Variants in ZRANB3 observed in about 807,000 individuals in gnomAD.
The protein encoded by ZRANB3 is zinc finger RANBP2-type containing 3, also known as DNA annealing helicase and endonuclease ZRANB3.
Under a neutral mutation model 133.8 loss-of-function variants are expected in ZRANB3, and 125 were observed. That is an observed-to-expected ratio of 0.93 (90% CI 0.81 to 1.08). The LOEUF (loss-of-function observed/expected upper bound fraction) is 1.08, where lower values mean the gene tolerates loss of function less well. Among genes scored for constraint, ZRANB3 ranks in the 50% least tolerant of loss-of-function variants. ZRANB3 has a pLI of 0.00. For synonymous variants in ZRANB3, 387 were observed against 432.7 expected, an observed-to-expected ratio of 0.89 and a Z score of 1.31; for missense variants, 1,229 against 1,275.5, an observed-to-expected ratio of 0.96 and a Z score of 0.56.
In ZRANB3 at chr2:135,208,887, G is replaced by T; in HGVS notation, c.2587C>A (p.Pro863Thr). ...CCTTACTTTGTGAAAGGATCCCGTG[G>T]CCTGGACTCCTTTGTGATCAGACGG... The part of the protein sequence containing the change: ...HVRLITKESR[P>T]RDPFTKKLLE... Residue 863 changes from proline (P) to threonine (T), a missense_variant, in exon 18 of 21, where the codon CCA becomes ACA. Coordinates refer to ENST00000264159, the MANE Select transcript of ZRANB3 (RefSeq NM_032143.4). The T allele has an allele frequency of 6.2e-7, 1 of 1,613,868 alleles. No homozygotes were observed. Among genetic ancestry groups the T allele is most frequent in the African/African-American group, 1.3e-5 (1 of 75,018 alleles).
intron 3 of ZRANB3, among the ~76,000 whole-genome samples, chr2:135,386,886 A>C (rs1383674264): frequency 6.6e-6 from 1 of 152,024 alleles, no homozygotes; most frequent in Non-Finnish European, 1.5e-5. Context: ...GAAATACCTA[A>C]TGTAAATGAT....
intron 12 of ZRANB3, among the ~76,000 whole-genome samples, chr2:135,238,575 G>A (rs1050488180): frequency 6.6e-6 from 1 of 152,048 alleles, no homozygotes; most frequent in Non-Finnish European, 1.5e-5. Context: ...GGTTGCCCAG[G>A]TGGGTCTTGA....
At chr2:135,211,599 T>A (rs949924254) in intron 17 of ZRANB3, among the ~76,000 whole-genome samples, 1 of 152,184 alleles carries the variant, frequency 6.6e-6, no homozygotes, top group Non-Finnish European at 1.5e-5. Flanking sequence ...TCATTATACC[T>A]TTTATTTTTA....
chr2:135,479,160 C>G (rs1691644838), intron 2 of ZRANB3, among the ~76,000 whole-genome samples: 1 of 151,562 alleles, frequency 6.6e-6, no homozygotes, highest in African/African-American at 2.4e-5. Flanking sequence ...AGTGGCATTC[C>G]AATTTTGTTC....
At chr2:135,430,179 AAAAAAC>A (rs1453033947) in intron 2 of ZRANB3, among the ~76,000 whole-genome samples, 2 of 152,134 alleles carry the variant, frequency 1.3e-5, no homozygotes, top group East Asian at 1.9e-4. Flanking sequence ...CTGTCTCAAA[AAAAAAC>A]AAAAACAAAA....
intron 6 of ZRANB3, among the ~76,000 whole-genome samples, chr2:135,335,300 G>A (rs1684319686): frequency 6.6e-6 from 1 of 151,536 alleles, no homozygotes; most frequent in Non-Finnish European, 1.5e-5. Context: ...ACTATTCTGG[G>A]TGACACAGAA....
chr2:135,396,999 C>T (rs187470711), intron 2 of ZRANB3, among the ~76,000 whole-genome samples: 6 of 152,128 alleles, frequency 3.9e-5, no homozygotes, highest in Admixed American at 3.3e-4. Context: ...GTGTTATCCA[C>T]GCCTGTAGTC....
At chr2:135,256,077 C>G (rs939744576) in intron 12 of ZRANB3, among the ~76,000 whole-genome samples, 1 of 151,762 alleles carries the variant, frequency 6.6e-6, no homozygotes, top group African/African-American at 2.4e-5. Context: ...ACCATGCCCA[C>G]CTGATTTTTG....
chr2:135,380,564 C>G (rs1686643396), intron 3 of ZRANB3, among the ~76,000 whole-genome samples: 1 of 152,120 alleles, frequency 6.6e-6, no homozygotes, highest in South Asian at 2.1e-4. Context: ...TGAATGACTA[C>G]TGGTTAAATA....
At chr2:135,485,506 C>T (rs1692074519) in intron 2 of ZRANB3, among the ~76,000 whole-genome samples, 1 of 152,178 alleles carries the variant, frequency 6.6e-6, no homozygotes, top group African/African-American at 2.4e-5. Flanking sequence ...TAGATTATTA[C>T]AATAATTATT....
chr2:135,506,206 C>T (rs186373746), intron 1 of ZRANB3, among the ~76,000 whole-genome samples: 77 of 152,106 alleles, frequency 5.1e-4, no homozygotes, highest in Admixed American at 2.0e-3. Flanking sequence ...GCCTGGTCAA[C>T]GTGGCGAAAC....
chr2:135,293,097 T>C (rs1681848346), intron 8 of ZRANB3, among the ~76,000 whole-genome samples: 1 of 152,156 alleles, frequency 6.6e-6, no homozygotes, highest in Non-Finnish European at 1.5e-5. Flanking sequence ...TGGTTCCATA[T>C]GAACTTTAAA....
chr2:135,227,334 TAC>T (rs1252593008), intron 14 of ZRANB3, among the ~76,000 whole-genome samples: 1 of 152,370 alleles, frequency 6.6e-6, no homozygotes, highest in Non-Finnish European at 1.5e-5. Flanking sequence ...TCATGATTCA[TAC>T]AGTCTTGACA....
At chr2:135,395,710 G>A (rs1199323834) in intron 2 of ZRANB3, among the ~76,000 whole-genome samples, 1 of 151,974 alleles carries the variant, frequency 6.6e-6, no homozygotes, top group Admixed American at 6.6e-5. Flanking sequence ...CACCTGCCTC[G>A]GCCTCCCAAA....
At chr2:135,424,294 C>A (rs1043785590) in intron 2 of ZRANB3, among the ~76,000 whole-genome samples, 4 of 151,136 alleles carry the variant, frequency 2.6e-5, no homozygotes, top group African/African-American at 7.3e-5. Context: ...CAAAACAGAG[C>A]AAAAAGATGA....
intron 2 of ZRANB3, among the ~76,000 whole-genome samples, chr2:135,503,827 G>A (rs72986488): frequency 0.039 from 5,902 of 151,930 alleles, 401 homozygotes; most frequent in African/African-American, 0.14. Flanking sequence ...AAATTACCCG[G>A]GTGTGGTGGC....
At chr2:135,342,321 A>G (rs1241647376) in intron 6 of ZRANB3, among the ~76,000 whole-genome samples, 1 of 150,088 alleles carries the variant, frequency 6.7e-6, no homozygotes, top group East Asian at 1.9e-4. Context: ...TATAGGCGTG[A>G]GCCACCACGC....
intron 2 of ZRANB3, among the ~76,000 whole-genome samples, chr2:135,405,730 T>A (rs572706646): frequency 1.1e-3 from 160 of 152,194 alleles, no homozygotes; most frequent in Admixed American, 2.6e-3. Flanking sequence ...ACTGGGTACA[T>A]AACAAAATGA....
At chr2:135,474,211 A>C (rs570103189) in intron 2 of ZRANB3, among the ~76,000 whole-genome samples, 1 of 152,182 alleles carries the variant, frequency 6.6e-6, no homozygotes, top group South Asian at 2.1e-4. Flanking sequence ...AAACTGACAA[A>C]AAACCAAAAG....
Sources: gnomAD v4.1 joint callset for allele counts (sites outside exome capture counted in the v4.1 genomes callset) on GRCh38, gnomAD v4.1.1 for gene constraint, MANE v1.5 for transcripts, NCBI Gene and HGNC (gene_info 2026-07-23, HGNC 2026-07-21) for gene names.